The following GRIN3A variants were observed in gnomAD, a reference collection of about 807,000 sequenced individuals.
GRIN3A encodes the protein glutamate receptor ionotropic, NMDA 3A.
Under a neutral mutation model 92.4 loss-of-function variants are expected in GRIN3A, and 47 were observed. The observed-to-expected ratio is 0.51, with a 90% confidence interval of 0.40 to 0.65. The LOEUF (loss-of-function observed/expected upper bound fraction) is 0.65. Ranked by LOEUF, GRIN3A falls within the 30% of genes least tolerant of loss-of-function variation. The pLI, the probability that GRIN3A is intolerant of heterozygous loss-of-function variation, is 0.00. For missense variants in GRIN3A, 1,324 were observed against 1,393.1 expected (o/e 0.95, Z 0.79); for synonymous variants, 527 against 540.6 (o/e 0.97, Z 0.35).
At chr9:101,710,509 T>G (rs940924256) in intron 1 of GRIN3A, among the ~76,000 whole-genome samples, 1 of 152,182 alleles carries the variant, frequency 6.6e-6, no homozygotes, top group East Asian at 1.9e-4. Flanking sequence ...TGGATGGAGA[T>G]CTCCTCTAGT....
At position 101,737,727 on chromosome 9, in the gene GRIN3A, T is replaced by A. The variant is rs1172594934; in HGVS notation, c.253A>T (p.Thr85Ser). ...GAQRDEPEPG[T>S]RRSPAPSPGA... Reference sequence around the variant, plus strand: ...GGCGAGGGCGCCGGGGACCGCCTAGTCCCTGGCTCCGGCTCATCCCTCTGG... The same window carrying A: ...GGCGAGGGCGCCGGGGACCGCCTAGACCCTGGCTCCGGCTCATCCCTCTGG... The change falls in exon 1 of 9, where the codon ACT becomes TCT. Residue 85 changes from threonine (T) to serine (S), a missense_variant. Transcript: ENST00000361820. 4 of 1,528,172 alleles carry A rather than the reference T, an allele frequency of 2.6e-6. No homozygotes were observed. The African/African-American group carries it at 5.5e-5, about 21-fold the overall frequency. 94.7% of individuals were successfully genotyped at this position (1,528,172 alleles called of 1,614,324 possible).
intron 3 of GRIN3A, among the ~76,000 whole-genome samples, chr9:101,662,542 AT>A (rs535661212): frequency 2.5e-4 from 38 of 151,828 alleles, no homozygotes; most frequent in Non-Finnish European, 5.3e-4. Context: ...AATATTAAGC[AT>A]TTCAATATCT....
At chr9:101,584,380 G>A (rs551851069) in intron 6 of GRIN3A, among the ~76,000 whole-genome samples, 1 of 152,148 alleles carries the variant, frequency 6.6e-6, no homozygotes, top group East Asian at 1.9e-4. Context: ...TTACTACACT[G>A]TGAAGAAAAA....
At chr9:101,710,739 T>C (rs367663042) in intron 1 of GRIN3A, among the ~76,000 whole-genome samples, 86 of 152,338 alleles carry the variant, frequency 5.6e-4, no homozygotes, top group African/African-American at 2.0e-3. Flanking sequence ...GGTACAGAGT[T>C]GACTGGCAAC....
chr9:101,680,962 G>A (rs1034733043), intron 2 of GRIN3A, among the ~76,000 whole-genome samples: 1 of 152,270 alleles, frequency 6.6e-6, no homozygotes, highest in South Asian at 2.1e-4. Flanking sequence ...AAAGGGTTAG[G>A]GACTTCTTAG....
chr9:101,725,708 T>C (rs908892573), intron 1 of GRIN3A, among the ~76,000 whole-genome samples: 4 of 152,212 alleles, frequency 2.6e-5, no homozygotes, highest in African/African-American at 9.7e-5. Flanking sequence ...CCACTAAAAA[T>C]TGTGTTATGG....
At chr9:101,580,687 T>A (rs770388125) in intron 6 of GRIN3A, among the ~76,000 whole-genome samples, 20 of 152,196 alleles carry the variant, frequency 1.3e-4, no homozygotes, top group Non-Finnish European at 2.6e-4. Context: ...TTAATGATAT[T>A]TATTGGTTGC....
At chr9:101,647,493 G>A (rs1828953123) in intron 3 of GRIN3A, among the ~76,000 whole-genome samples, 1 of 151,458 alleles carries the variant, frequency 6.6e-6, no homozygotes, top group South Asian at 2.1e-4. Flanking sequence ...TTTGGTACTA[G>A]GATGCTGTTG....
chr9:101,684,574 T>C (rs995530300), intron 2 of GRIN3A, among the ~76,000 whole-genome samples: 2 of 152,144 alleles, frequency 1.3e-5, no homozygotes, highest in East Asian at 3.9e-4. Flanking sequence ...CACTATGTAA[T>C]TTTATATACA....
intron 5 of GRIN3A, among the ~76,000 whole-genome samples, chr9:101,619,544 A>G (rs1042020715): frequency 1.3e-5 from 2 of 152,244 alleles, no homozygotes; most frequent in African/African-American, 4.8e-5. Context: ...CAATTCTATC[A>G]TAAATTTCCT....
At chr9:101,595,854 C>G (rs1828120477) in intron 6 of GRIN3A, among the ~76,000 whole-genome samples, 1 of 152,188 alleles carries the variant, frequency 6.6e-6, no homozygotes. Context: ...GGAAGGTCTG[C>G]AATGTGCCCA....
chr9:101,672,452 C>T (rs1588276519), intron 2 of GRIN3A, among the ~76,000 whole-genome samples: 1 of 152,086 alleles, frequency 6.6e-6, no homozygotes, highest in East Asian at 1.9e-4. Flanking sequence ...GGCAGTTACT[C>T]AAGACACATT....
At chr9:101,645,805 A>C (rs187354553) in intron 3 of GRIN3A, among the ~76,000 whole-genome samples, 6 of 150,868 alleles carry the variant, frequency 4.0e-5, no homozygotes, top group Admixed American at 1.3e-4. Flanking sequence ...TTCAATTTGC[A>C]TTTCCCTTAT....
chr9:101,635,953 C>G (rs1173986554), intron 3 of GRIN3A, among the ~76,000 whole-genome samples: 1 of 152,196 alleles, frequency 6.6e-6, no homozygotes, highest in East Asian at 1.9e-4. Flanking sequence ...TGCACGATCT[C>G]AGCTCAGTGC....
chr9:101,685,304 A>C (rs1216521993), intron 2 of GRIN3A, among the ~76,000 whole-genome samples: 1 of 126,948 alleles, frequency 7.9e-6, no homozygotes, highest in Admixed American at 8.2e-5. Flanking sequence ...ACCTTTTATC[A>C]TGTCTTTTTT....
At chr9:101,655,086 A>G (rs766485319) in intron 3 of GRIN3A, among the ~76,000 whole-genome samples, 1 of 151,878 alleles carries the variant, frequency 6.6e-6, no homozygotes, top group African/African-American at 2.4e-5. Flanking sequence ...TATAATTGCT[A>G]TAGAGGACAG....
chr9:101,713,665 G>C (rs1829908053), intron 1 of GRIN3A, among the ~76,000 whole-genome samples: 1 of 152,202 alleles, frequency 6.6e-6, no homozygotes, highest in East Asian at 1.9e-4. Flanking sequence ...GATTTAGCTA[G>C]CACATAAGTG....
chr9:101,591,682 C>A (rs1174987939), intron 6 of GRIN3A: 3 of 152,158 alleles, frequency 2.0e-5, no homozygotes, highest in Non-Finnish European at 2.9e-5. Flanking sequence ...TGGCAACTGG[C>A]AATTAACTGA....
chr9:101,661,543 G>T (rs190591108), intron 3 of GRIN3A, among the ~76,000 whole-genome samples: 3 of 151,774 alleles, frequency 2.0e-5, no homozygotes, highest in Admixed American at 2.0e-4. Context: ...CACCTTAAAA[G>T]GCTCTTCAAT....
Sources: allele counts gnomAD v4.1 joint callset (sites outside exome capture counted in the v4.1 genomes callset), GRCh38; gene constraint gnomAD v4.1.1; transcripts MANE v1.5; gene names NCBI Gene and HGNC (gene_info 2026-07-23, HGNC 2026-07-21).